The following POLR2M variants were observed in gnomAD, a reference collection of about 807,000 sequenced individuals.
POLR2M encodes protein GRINL1A.
POLR2M carries 30 observed loss-of-function variants against 34.6 expected under a neutral mutation model. That is an observed-to-expected ratio of 0.87 (90% CI 0.65 to 1.18). POLR2M has a LOEUF of 1.18. POLR2M is among the 50% of genes most tolerant of loss of function. The probability of loss-of-function intolerance (pLI) is 0.00; values close to 1 mark genes in which losing one functional copy is unlikely to be tolerated. For missense variants in POLR2M, 432 were observed against 448.7 expected (o/e 0.96, Z 0.34); for synonymous variants, 150 against 166.7 (o/e 0.90, Z 0.77).
chr15:57,709,864 T>G (rs1194632850), intron 2 of POLR2M, among the ~76,000 whole-genome samples: 2 of 152,166 alleles, frequency 1.3e-5, no homozygotes, highest in Admixed American at 6.5e-5. Context: ...TCTCTTTGAT[T>G]AGTCTGTGAA....
chr15:57,707,935 AT>A (rs1327795243), intron 1 of POLR2M, among the ~76,000 whole-genome samples: 12 of 152,268 alleles, frequency 7.9e-5, no homozygotes, highest in South Asian at 4.1e-4. Context: ...TTAAGGTGTA[AT>A]TTTTTCTTTC....
At chr15:57,711,944 A>C (rs1403075279) in intron 2 of POLR2M, 40 bp from the exon 3 acceptor site, 2 of 1,609,090 alleles carry the variant, frequency 1.2e-6, no homozygotes, top group African/African-American at 1.3e-5. Context: ...TCTACAAATA[A>C]AATAATCTGA....
At chr15:57,713,711 C>A (rs2040827792) in intron 3 of POLR2M, among the ~76,000 whole-genome samples, 1 of 147,714 alleles carries the variant, frequency 6.8e-6, no homozygotes, top group South Asian at 2.2e-4. Flanking sequence ...GTATTAATTT[C>A]TTGATTTTCA....
intron 3 of POLR2M, 132 bp downstream of exon 3, chr15:57,712,320 C>T: frequency 1.8e-6 from 2 of 1,081,434 alleles, no homozygotes; most frequent in East Asian, 2.6e-5. Context: ...ATCTATGCCA[C>T]TAGTTTTCAG....
rs1240416809 is a variant in POLR2M, at chr15:57,716,426, T to G, written c.*1747T>G. ...GAAGATACCGCTCTAAAAATGAAAT[T>G]GTTAGGTGAAAGTGTTTTTGAGAAT... On this transcript the variant is annotated 3_prime_UTR_variant, in exon 4 of 4. Coordinates refer to ENST00000299638, the MANE Select transcript of POLR2M (RefSeq NM_015532.5). The G allele has an allele frequency of 4.6e-5, 7 of 152,262 alleles. No homozygotes were observed. Among genetic ancestry groups the G allele is most frequent in the Non-Finnish European group, 1.0e-4 (7 of 68,042 alleles). 9.4% of individuals were successfully genotyped at this position (152,262 alleles called of 1,614,324 possible). A position where few individuals can be genotyped will look rare whatever the true frequency, so the allele number is the denominator to read the frequency against.
rs748717575 is a variant in POLR2M at position 57,711,951 on chromosome 15, C to G, written c.759-33C>G. ...TAAATGTGTCTACAAATAAAATAAT[C>G]TGATTGTATAACACAAGTTTTCCTT... On this transcript the variant is annotated intron_variant, in intron 2 of 3. Transcript: ENST00000299638. The G allele has an allele frequency of 3.7e-6, 6 of 1,610,508 alleles. 1 individual carries two copies. In the South Asian group the frequency reaches 6.6e-5, roughly 18 times the overall value.
chr15:57,708,579 G>T, intron 1 of POLR2M, 135 bp from the exon 2 acceptor site: 6 of 777,894 alleles, frequency 7.7e-6, no homozygotes, highest in East Asian at 2.9e-5. Flanking sequence ...TTCTTGTTTT[G>T]GGGCAGTTAG....
rs2040874339 is a variant in POLR2M, at chr15:57,714,666, C to G, written c.1094C>G (p.Ser365Cys). Residue 365 changes from serine (S) to cysteine (C), a missense_variant, in exon 4 of 4, where the codon TCT becomes TGT. Transcript: ENST00000299638. ...AGGGATGAAGATGACGATTGGTCCT[C>G]TGATGAATTCTGAAGATAATCTCCT... is the stretch of plus-strand genomic sequence containing the variant. Reference protein sequence around the residue: ...EVRDEDDDWSSDEF With the variant: ...EVRDEDDDWSCDEF The G allele has an allele frequency of 6.2e-7, 1 of 1,611,028 alleles. No homozygotes were observed. The highest frequency in any genetic ancestry group is 1.1e-5 in the South Asian group (1 of 90,924).
At position 57,709,226 on chromosome 15, in the gene POLR2M, C is replaced by T. The variant is rs143723126; in HGVS notation, c.626C>T (p.Ser209Leu). The T allele has an allele frequency of 6.0e-4, 971 of 1,614,144 alleles. 10 individuals carry two copies. In the African/African-American group the frequency reaches 0.01, roughly 17 times the overall value. Residue 209 changes from serine to leucine, a missense_variant, in exon 2 of 4, where the codon TCA becomes TTA. Ser to Leu is a moderately radical substitution (Grantham distance 145). Coordinates refer to ENST00000299638, the MANE Select transcript of POLR2M (RefSeq NM_015532.5). Reference sequence around the variant, plus strand: ...ATTGCGGACCAAGGTGAACAACAGTCAGAAGAAAACGCAAGTACTAAGAAC... The same window carrying T: ...ATTGCGGACCAAGGTGAACAACAGTTAGAAGAAAACGCAAGTACTAAGAAC... ...ITIADQGEQQ[S>L]EENASTKNLT...
intron 1 of POLR2M, chr15:57,707,382 C>T (rs1287985386): frequency 4.4e-6 from 3 of 685,924 alleles, no homozygotes; most frequent in Non-Finnish European, 7.9e-6. Context: ...TTTATTAGGC[C>T]GGGAAAGTTC....
chr15:57,717,392 C>G lies in POLR2M; in HGVS notation c.*2713C>G, dbSNP rs1458902968. 2.0e-5 allele frequency: 3 copies of G among 152,206 alleles called. No homozygotes were observed. Among genetic ancestry groups the G allele is most frequent in the African/African-American group, 4.8e-5 (2 of 41,444 alleles). 9.4% of individuals were successfully genotyped at this position (152,206 alleles called of 1,614,324 possible). A position where few individuals can be genotyped will look rare whatever the true frequency, so the allele number is the denominator to read the frequency against. ...AGGTCTTGCCAGCACTCCAAAATCT[C>G]TGTGTGTCCCCTCTTGACACTCACT... On this transcript the variant is annotated 3_prime_UTR_variant, in exon 4 of 4. Coordinates refer to ENST00000299638, the MANE Select transcript of POLR2M (RefSeq NM_015532.5).
chr15:57,711,597 C>A (rs180750096), intron 2 of POLR2M, among the ~76,000 whole-genome samples: 1 of 152,332 alleles, frequency 6.6e-6, no homozygotes, highest in East Asian at 1.9e-4. Flanking sequence ...CCCTGTCTCC[C>A]ACTAGAACTG....
chr15:57,709,421 C>T (rs1374098856), intron 2 of POLR2M, 63 bp downstream of exon 2: 50 of 1,536,170 alleles, frequency 3.3e-5, no homozygotes, highest in African/African-American at 8.3e-5. Flanking sequence ...CAAAAATTTA[C>T]GAGAAACTGG....
Position 57,708,799 on chromosome 15 carries a change from G to GAAA in POLR2M, c.201_202insAAA (p.Glu67_Val68insLys). ...GAAAGCTGCCATTGCAGAATGTGAA[G>GAAA]AAGTTAGAAGAAAAAGTGAACTGTT... is the stretch of plus-strand genomic sequence containing the variant. On this transcript the variant is annotated inframe_insertion, in exon 2 of 4. Coordinates refer to ENST00000299638, the MANE Select transcript of POLR2M (RefSeq NM_015532.5). 6.2e-7 allele frequency: 1 copy of GAAA among 1,613,418 alleles called. No individual in the cohort carries two copies. Among genetic ancestry groups the GAAA allele is most frequent in the South Asian group, 1.1e-5 (1 of 90,792 alleles).
rs1257957629 is a variant in POLR2M at position 57,715,008 on chromosome 15, AC to A, written c.*331del. 4.5e-6 allele frequency: 1 copy of A among 221,610 alleles called. No individual in the cohort carries two copies. The highest frequency in any genetic ancestry group is 2.3e-5 in the African/African-American group (1 of 42,660). 13.7% of individuals were successfully genotyped at this position (221,610 alleles called of 1,614,324 possible). A position where few individuals can be genotyped will look rare whatever the true frequency, so the allele number is the denominator to read the frequency against. On this transcript the variant is annotated 3_prime_UTR_variant, in exon 4 of 4. Coordinates refer to ENST00000299638, the MANE Select transcript of POLR2M (RefSeq NM_015532.5). Reference sequence around the variant, plus strand: ...TAACTTTGCTTTTTTCCTTTTTCTTACCTATCAAATAGCATTTATTACATGT... The same window carrying A: ...TAACTTTGCTTTTTTCCTTTTTCTTACTATCAAATAGCATTTATTACATGT...
chr15:57,712,918 C>T (rs1385476445), intron 3 of POLR2M, among the ~76,000 whole-genome samples: 9 of 152,180 alleles, frequency 5.9e-5, no homozygotes, highest in African/African-American at 1.2e-4. Flanking sequence ...TATCCTGTCT[C>T]ACTTCCTAGG....
In POLR2M at chr15:57,715,981, C is replaced by T. The variant is rs1363483190; in HGVS notation, c.*1302C>T. ...TTCTCATTAGTTTTAGTTCTTAAAA[C>T]GAATAGTAAATGATTTCACAGCGTA... is the stretch of plus-strand genomic sequence containing the variant. On this transcript the variant is annotated 3_prime_UTR_variant, in exon 4 of 4. Coordinates refer to ENST00000299638, the MANE Select transcript of POLR2M (RefSeq NM_015532.5). 13 of 152,278 alleles carry T rather than the reference C, an allele frequency of 8.5e-5. No homozygotes were observed. The highest frequency in any genetic ancestry group is 1.9e-4 in the African/African-American group (8 of 41,468). The allele number at this position is 152,278 out of a possible 1,614,324, so 9.4% of individuals were successfully genotyped here.
At position 57,706,871 on chromosome 15, in the gene POLR2M, C is replaced by T. The variant is rs1192831871; in HGVS notation, c.29C>T (p.Pro10Leu). 3 of 1,587,018 alleles carry T rather than the reference C, an allele frequency of 1.9e-6. No homozygotes were observed. The highest frequency in any genetic ancestry group is 2.6e-6 in the Non-Finnish European group (3 of 1,166,240). Reference protein sequence around the residue: MCSLPRGFEPQAPEDLAQRS... With the variant: MCSLPRGFELQAPEDLAQRS... ...TGCTCGCTGCCCCGCGGCTTCGAGC[C>T]CCAAGCTCCCGAGGACTTGGCGCAG... The change falls in exon 1 of 4, where the codon CCC becomes CTC. Residue 10 changes from proline to leucine, a missense_variant. Coordinates refer to ENST00000299638, the MANE Select transcript of POLR2M (RefSeq NM_015532.5).
intron 2 of POLR2M, 72 bp downstream of exon 2, chr15:57,709,430 G>C: frequency 1.3e-6 from 2 of 1,521,838 alleles, no homozygotes; most frequent in East Asian, 4.5e-5. Flanking sequence ...ACGAGAAACT[G>C]GGTGTGGTGG....
Sources: allele counts gnomAD v4.1 joint callset (sites outside exome capture counted in the v4.1 genomes callset), GRCh38; gene constraint gnomAD v4.1.1; transcripts MANE v1.5; gene names NCBI Gene and HGNC (gene_info 2026-07-23, HGNC 2026-07-21).